Variants in TRMT10B observed in about 807,000 individuals in gnomAD.
The protein encoded by TRMT10B is tRNA methyltransferase 10 homolog B.
TRMT10B carries 33 observed loss-of-function variants against 43.8 expected under a neutral mutation model. That is an observed-to-expected ratio of 0.75 (90% CI 0.57 to 1.01). The LOEUF is 1.01. Among genes scored for constraint, TRMT10B ranks in the 50% least tolerant of loss-of-function variants. The pLI, the probability that TRMT10B is intolerant of heterozygous loss-of-function variation, is 0.00. For synonymous variants in TRMT10B, 137 were observed against 130.6 expected, an observed-to-expected ratio of 1.05 and a Z score of -0.34; for missense variants, 362 against 369.8, an observed-to-expected ratio of 0.98 and a Z score of 0.17.
chr9:37,777,762 T>C lies in TRMT10B; in HGVS notation c.*55T>C. 1 of 1,455,248 alleles carries C rather than the reference T, an allele frequency of 6.9e-7. No individual in the cohort carries two copies. The highest frequency in any genetic ancestry group is 9.6e-7 in the Non-Finnish European group (1 of 1,037,724). The allele number at this position is 1,455,248 out of a possible 1,614,324, so 90.1% of individuals were successfully genotyped here. A position where few individuals can be genotyped will look rare whatever the true frequency, so the allele number is the denominator to read the frequency against. Reference sequence around the variant, plus strand: ...GTGCTCACGCCGTAATGCCAACACTTTGGTAGACCGAAGTGGGCAGATCAC... The same window carrying C: ...GTGCTCACGCCGTAATGCCAACACTCTGGTAGACCGAAGTGGGCAGATCAC... On this transcript the variant is annotated 3_prime_UTR_variant, in exon 9 of 9. Coordinates refer to ENST00000297994, the MANE Select transcript of TRMT10B (RefSeq NM_144964.4).
At chr9:37,759,336 GTC>G (rs1826061346) in intron 1 of TRMT10B, among the ~76,000 whole-genome samples, 1 of 152,076 alleles carries the variant, frequency 6.6e-6, no homozygotes, top group Non-Finnish European at 1.5e-5. Flanking sequence ...ACATGTATAA[GTC>G]TCAAATATTT....
In TRMT10B at chr9:37,777,711, G is replaced by A; in HGVS notation, c.*4G>A. 1 of 1,611,960 alleles carries A rather than the reference G, an allele frequency of 6.2e-7. No homozygotes were observed. The highest frequency in any genetic ancestry group is 8.5e-7 in the Non-Finnish European group (1 of 1,178,126). ...TCTTCGGAACTCAGTGGAATGATGG[G>A]CCTAAGATTGCAGCTGCGTGGCCAG... On this transcript the variant is annotated 3_prime_UTR_variant, in exon 9 of 9. Transcript: ENST00000297994.
intron 4 of TRMT10B, among the ~76,000 whole-genome samples, chr9:37,764,366 G>A (rs1826759299): frequency 1.4e-5 from 2 of 147,812 alleles, no homozygotes; most frequent in Admixed American, 1.4e-4. Context: ...CTGTTGCCGG[G>A]GCTGGAGTGC....
intron 8 of TRMT10B, 25 bp from the exon 9 acceptor site, chr9:37,777,560 TCCCTCTGTGGTCACTG>T: frequency 6.7e-7 from 1 of 1,490,752 alleles, no homozygotes; most frequent in South Asian, 1.1e-5. Flanking sequence ...GTTCTTTTTT[TCCCTCTGTGGTCACTG>T]TGTTTTCTGT....
chr9:37,769,391 A>G (rs567290314), intron 5 of TRMT10B, among the ~76,000 whole-genome samples: 5 of 146,366 alleles, frequency 3.4e-5, no homozygotes, highest in South Asian at 2.2e-4. Flanking sequence ...GGTCATCCCA[A>G]TGTTACTCCC....
upstream of TRMT10B, among the ~76,000 whole-genome samples, chr9:37,753,418 C>T (rs1209213511): frequency 6.6e-6 from 1 of 152,250 alleles, no homozygotes; most frequent in Non-Finnish European, 1.5e-5. Flanking sequence ...CTCCCGCTTC[C>T]TGTAATGGCC....
At chr9:37,755,815 CTTCAG>C (rs1825605379) in intron 1 of TRMT10B, among the ~76,000 whole-genome samples, 1 of 152,140 alleles carries the variant, frequency 6.6e-6, no homozygotes, top group African/African-American at 2.4e-5. Flanking sequence ...TGGCGGTAAA[CTTCAG>C]TTCAATTAAA....
At chr9:37,761,786 G>A in intron 1 of TRMT10B, 117 bp from the exon 2 acceptor site, 2 of 682,882 alleles carry the variant, frequency 2.9e-6, no homozygotes, top group South Asian at 4.7e-5. Context: ...AGTAAATCTG[G>A]TTCAGTATTT....
intron 1 of TRMT10B, 84 bp from the exon 2 acceptor site, chr9:37,761,819 A>G (rs1826368028): frequency 3.1e-6 from 3 of 976,818 alleles, no homozygotes; most frequent in Non-Finnish European, 4.5e-6. Flanking sequence ...TCAGTAACAC[A>G]ATAACACTTT....
chr9:37,773,765 C>T (rs569374625), intron 7 of TRMT10B, among the ~76,000 whole-genome samples: 45 of 151,968 alleles, frequency 3.0e-4, no homozygotes, highest in African/African-American at 1.0e-3. Flanking sequence ...ACCAGGGAGG[C>T]GGAGGTTGCA....
intron 4 of TRMT10B, among the ~76,000 whole-genome samples, chr9:37,764,220 C>T (rs1323972302): frequency 2.6e-5 from 4 of 152,094 alleles, no homozygotes; most frequent in Admixed American, 2.0e-4. Flanking sequence ...AAAATCTCAG[C>T]TCACTGCAAC....
intron 1 of TRMT10B, among the ~76,000 whole-genome samples, chr9:37,754,571 A>AG (rs1825407006): frequency 6.6e-6 from 1 of 152,104 alleles, no homozygotes; most frequent in Admixed American, 6.5e-5. Context: ...TCGGGTACTG[A>AG]GGGTGTACAG....
intron 4 of TRMT10B, among the ~76,000 whole-genome samples, chr9:37,764,668 C>T (rs549114836): frequency 1.4e-4 from 21 of 151,950 alleles, no homozygotes; most frequent in African/African-American, 5.1e-4. Context: ...AGGTGATCCA[C>T]CTGCCTCAGC....
chr9:37,755,499 A>G (rs1373163009), intron 1 of TRMT10B, among the ~76,000 whole-genome samples: 2 of 152,138 alleles, frequency 1.3e-5, no homozygotes, highest in Non-Finnish European at 2.9e-5. Context: ...GTGATGTCCA[A>G]CTTCACCTTT....
intron 1 of TRMT10B, among the ~76,000 whole-genome samples, chr9:37,754,222 C>T (rs1315805828): frequency 1.3e-5 from 2 of 152,164 alleles, no homozygotes; most frequent in Non-Finnish European, 2.9e-5. Flanking sequence ...TATAAGCAAA[C>T]AACACTTGCC....
chr9:37,773,617 C>T (rs1827816270), intron 7 of TRMT10B, among the ~76,000 whole-genome samples: 1 of 152,200 alleles, frequency 6.6e-6, no homozygotes, highest in African/African-American at 2.4e-5. Context: ...AGGCAAATCA[C>T]AAGGTCAAGA....
At chr9:37,768,844 C>CTT (rs1469185589) in intron 5 of TRMT10B, among the ~76,000 whole-genome samples, 1 of 152,182 alleles carries the variant, frequency 6.6e-6, no homozygotes, top group African/African-American at 2.4e-5. Flanking sequence ...CACAGTCTCT[C>CTT]TTGTAGTGCA....
chr9:37,777,957 A>G lies in TRMT10B; in HGVS notation c.*250A>G, dbSNP rs1285583468. The G allele has an allele frequency of 1.4e-5, 5 of 350,808 alleles. No homozygotes were observed. Among genetic ancestry groups the G allele is most frequent in the Non-Finnish European group, 2.2e-5 (4 of 183,964 alleles). 21.7% of individuals were successfully genotyped at this position (350,808 alleles called of 1,614,324 possible). A position where few individuals can be genotyped will look rare whatever the true frequency, so the allele number is the denominator to read the frequency against. On this transcript the variant is annotated 3_prime_UTR_variant, in exon 9 of 9. Coordinates refer to ENST00000297994, the MANE Select transcript of TRMT10B (RefSeq NM_144964.4). ...GAGGCGAAGGTTGCAGTGAGCCGAG[A>G]TTTCACCAGTGCACTCCAGCCTGGG...
intron 1 of TRMT10B, among the ~76,000 whole-genome samples, chr9:37,756,855 C>A (rs1243699965): frequency 6.6e-6 from 1 of 150,436 alleles, no homozygotes; most frequent in Non-Finnish European, 1.5e-5. Flanking sequence ...TGTATATATA[C>A]ACACACACAT....
Sources: allele counts gnomAD v4.1 joint callset (sites outside exome capture counted in the v4.1 genomes callset), GRCh38; gene constraint gnomAD v4.1.1; transcripts MANE v1.5; gene names NCBI Gene and HGNC (gene_info 2026-07-23, HGNC 2026-07-21).